The following NCAM1 variants were observed in gnomAD, a reference collection of about 807,000 sequenced individuals.
The protein encoded by NCAM1 is neural cell adhesion molecule 1, also known as antigen recognized by monoclonal antibody 5.1H11.
A neutral mutation model predicts 109.8 loss-of-function variants in NCAM1; 14 were observed. That is an observed-to-expected ratio of 0.13 (90% CI 0.08 to 0.20). The LOEUF is 0.20. Among genes scored for constraint, NCAM1 ranks in the 10% least tolerant of loss-of-function variants. The probability of loss-of-function intolerance (pLI) is 1.00; values close to 1 mark genes in which losing one functional copy is unlikely to be tolerated. For synonymous variants in NCAM1, 418 were observed against 442.9 expected (o/e 0.94, Z 0.70); for missense variants, 774 against 1,109.9 (o/e 0.70, Z 4.30).
intron 1 of NCAM1, among the ~76,000 whole-genome samples, chr11:113,058,102 G>A (rs1953779094): frequency 6.6e-6 from 1 of 152,048 alleles, no homozygotes; most frequent in Non-Finnish European, 1.5e-5. Flanking sequence ...GGCCAACATG[G>A]CAAAACCCCA....
intron 1 of NCAM1, among the ~76,000 whole-genome samples, chr11:113,165,849 G>A (rs1308480738): frequency 6.7e-6 from 1 of 148,762 alleles, no homozygotes; most frequent in African/African-American, 2.5e-5. Flanking sequence ...GTCTCGCTCT[G>A]TCACCCAGGC....
chr11:113,216,410 C>T (rs896089356), intron 8 of NCAM1, among the ~76,000 whole-genome samples: 14 of 152,116 alleles, frequency 9.2e-5, no homozygotes, highest in African/African-American at 3.4e-4. Context: ...CCTCGGCCTC[C>T]CAAAGTGCTG....
chr11:113,132,690 G>A (rs575840367), intron 1 of NCAM1, among the ~76,000 whole-genome samples: 19 of 151,838 alleles, frequency 1.3e-4, no homozygotes, highest in South Asian at 2.1e-4. Context: ...GAGAGAGAGC[G>A]TGTTTAGGAA....
chr11:113,067,644 A>G (rs1047243371), intron 1 of NCAM1, among the ~76,000 whole-genome samples: 3 of 152,242 alleles, frequency 2.0e-5, no homozygotes, highest in Non-Finnish European at 4.4e-5. Context: ...TGTAACGAAT[A>G]CTGCAATTAG....
intron 9 of NCAM1, chr11:113,231,329 T>C: frequency 6.6e-7 from 1 of 1,525,832 alleles, no homozygotes; most frequent in South Asian, 1.2e-5. Flanking sequence ...TTTGCTTCCA[T>C]TTTAGACATC....
intron 1 of NCAM1, among the ~76,000 whole-genome samples, chr11:113,169,555 T>C (rs1565476650): frequency 6.6e-6 from 1 of 151,922 alleles, no homozygotes; most frequent in Non-Finnish European, 1.5e-5. Context: ...GTTGGTTCTA[T>C]GAACACATGG....
Position 112,961,639 on chromosome 11 carries a change from G to T in NCAM1, c.27G>T (p.Trp9Cys), listed in dbSNP as rs559828324. 1.3e-6 allele frequency: 2 copies of T among 1,502,542 alleles called. No homozygotes were observed. The highest frequency in any genetic ancestry group is 1.8e-6 in the Non-Finnish European group (2 of 1,083,762). The allele number at this position is 1,502,542 out of a possible 1,614,324, so 93.1% of individuals were successfully genotyped here. The change falls in exon 1 of 20, where the codon TGG becomes TGT. Residue 9 changes from tryptophan to cysteine, a missense_variant. Transcript: ENST00000316851. ...TGCTGCAAACTAAGGATCTCATCTG[G>T]ACTTTGTTTTTCCTGGGAACTGCAG... is the stretch of plus-strand genomic sequence containing the variant. The part of the protein sequence containing the change: MLQTKDLI[W>C]TLFFLGTAVS...
chr11:113,186,119 G>T (rs1555108882), intron 1 of NCAM1, among the ~76,000 whole-genome samples: 1 of 152,200 alleles, frequency 6.6e-6, no homozygotes, highest in Non-Finnish European at 1.5e-5. Flanking sequence ...TCCTTACAAA[G>T]TTCAGTCATT....
In NCAM1 at chr11:113,224,295, T is replaced by TGGCTCAGAGGGTCCTACGCCCAC. The variant is rs1944772212; in HGVS notation, c.1089+2973_1089+2995dup. Among the ~76,000 whole-genome samples, 4 of 152,232 alleles carry TGGCTCAGAGGGTCCTACGCCCAC rather than the reference T, an allele frequency of 2.6e-5. No homozygotes were observed. The South Asian group carries it at 6.2e-4, about 24-fold the overall frequency. On this transcript the variant is annotated intron_variant, in intron 9 of 19. Coordinates refer to ENST00000316851, the MANE Select transcript of NCAM1 (RefSeq NM_181351.5). ...ACACCAGGAGATTATATCCCGCGCA[T>TGGCTCAGAGGGTCCTACGCCCAC]GGCTCAGAGGGTCCTACGCCCACGG...
intron 1 of NCAM1, among the ~76,000 whole-genome samples, chr11:113,067,233 A>G (rs1938009918): frequency 1.3e-5 from 2 of 152,202 alleles, no homozygotes; most frequent in South Asian, 4.1e-4. Flanking sequence ...ATTGCCAAAT[A>G]CTGTAAGTTA....
In NCAM1 at chr11:113,275,511, T is replaced by C. The variant is rs1397017762; in HGVS notation, c.*124T>C. ...ACAAACACACATGCACACACACACATCTCATTTCTCTAGTGTCTTTTGCCT... is the reference window on the plus strand; with the variant it reads ...ACAAACACACATGCACACACACACACCTCATTTCTCTAGTGTCTTTTGCCT... On this transcript the variant is annotated 3_prime_UTR_variant, in exon 20 of 20. Coordinates refer to ENST00000316851, the MANE Select transcript of NCAM1 (RefSeq NM_181351.5). 7.5e-5 allele frequency: 87 copies of C among 1,165,974 alleles called. No homozygotes were observed. Among genetic ancestry groups the C allele is most frequent in the Non-Finnish European group, 6.4e-5 (54 of 846,056 alleles). The allele number at this position is 1,165,974 out of a possible 1,614,324, so 72.2% of individuals were successfully genotyped here.
In NCAM1 at chr11:112,962,241, G is replaced by A. The variant is rs1950585097; in HGVS notation, c.52+577G>A. On this transcript the variant is annotated intron_variant, in intron 1 of 19. Coordinates refer to ENST00000316851, the MANE Select transcript of NCAM1 (RefSeq NM_181351.5). The surrounding 1 kb of genome is among the most constrained non-coding windows in gnomAD (Gnocchi z 5.6). ...TGGGGCAAAATGGGCAGAATCGCAC[G>A]GCCGTTGTTGTTGGTGTGACCGTTG... 1.3e-5 allele frequency among the ~76,000 whole-genome samples: 2 copies of A among 152,204 alleles called. No homozygotes were observed. The highest frequency in any genetic ancestry group is 4.1e-4 in the South Asian group (2 of 4,824).
At chr11:113,114,235 G>A (rs757716673) in intron 1 of NCAM1, among the ~76,000 whole-genome samples, 6 of 152,142 alleles carry the variant, frequency 3.9e-5, no homozygotes, top group Admixed American at 3.3e-4. Context: ...TCTTTTCCCC[G>A]GAGTCAGAGA....
intron 1 of NCAM1, among the ~76,000 whole-genome samples, chr11:113,131,530 G>C (rs1319202680): frequency 6.6e-6 from 1 of 152,244 alleles, no homozygotes; most frequent in African/African-American, 2.4e-5. Context: ...ACCTGGCAGT[G>C]CGCCACCCTT....
intron 1 of NCAM1, among the ~76,000 whole-genome samples, chr11:113,029,748 C>A (rs1407985165): frequency 6.6e-6 from 1 of 152,096 alleles, no homozygotes; most frequent in East Asian, 1.9e-4. Flanking sequence ...GACTTTTTAA[C>A]CACATTACAT....
intron 1 of NCAM1, among the ~76,000 whole-genome samples, chr11:112,982,948 C>T (rs550699821): frequency 1.3e-3 from 196 of 151,868 alleles, no homozygotes; most frequent in Middle Eastern, 3.4e-3. Flanking sequence ...AGATGGTTCT[C>T]GAAGGATAAG....
intron 1 of NCAM1, among the ~76,000 whole-genome samples, chr11:113,097,965 CA>C (rs1939686919): frequency 6.6e-6 from 1 of 152,130 alleles, no homozygotes; most frequent in Non-Finnish European, 1.5e-5. Flanking sequence ...TACCAAGCGC[CA>C]AGGCCTTTTA....
In NCAM1 at chr11:113,263,527, T is replaced by C. The variant is rs1282637751; in HGVS notation, c.2131+3204T>C. ...TGCACTGGAAAAAAAGTTGAATTTG[T>C]TGGATATTTTCTGGGGCTGATGAAC... On this transcript the variant is annotated intron_variant, in intron 17 of 19. Transcript: ENST00000316851. 5.1e-6 allele frequency: 5 copies of C among 985,676 alleles called. No individual in the cohort carries two copies. The Admixed American group carries it at 1.8e-4, about 36-fold the overall frequency. The allele number at this position is 985,676 out of a possible 1,614,324, so 61.1% of individuals were successfully genotyped here.
intron 1 of NCAM1, among the ~76,000 whole-genome samples, chr11:113,000,887 A>C (rs1309695106): frequency 6.7e-6 from 1 of 148,736 alleles, no homozygotes; most frequent in Non-Finnish European, 1.5e-5. Flanking sequence ...ACACGTATGT[A>C]TGTGTACGTG....
Sources: allele counts gnomAD v4.1 joint callset (sites outside exome capture counted in the v4.1 genomes callset), GRCh38; gene constraint gnomAD v4.1.1; non-coding constraint Gnocchi (gnomAD v3.1); transcripts MANE v1.5; gene names NCBI Gene and HGNC (gene_info 2026-07-23, HGNC 2026-07-21).